CATSPERE: variants seen among roughly 807,000 people sequenced by gnomAD.
CATSPERE encodes the protein cation channel sperm-associated auxiliary subunit epsilon.
CATSPERE carries 93 observed loss-of-function variants against 114.1 expected under a neutral mutation model. That is an observed-to-expected ratio of 0.81 (90% confidence interval 0.69 to 0.97). CATSPERE has a LOEUF of 0.97. Among genes scored for constraint, CATSPERE ranks in the 50% least tolerant of loss-of-function variants. The pLI is 0.00. For synonymous variants in CATSPERE, 341 were observed against 384.1 expected (o/e 0.89, Z 1.31); for missense variants, 1,058 against 1,131.6 (o/e 0.93, Z 0.93).
intron 17 of CATSPERE, among the ~76,000 whole-genome samples, chr1:244,603,404 G>A (rs1333407348): frequency 1.3e-5 from 2 of 152,170 alleles, no homozygotes; most frequent in African/African-American, 4.8e-5. Context: ...TTGCAAGGAA[G>A]AGCTGCCAAC....
intron 20 of CATSPERE, among the ~76,000 whole-genome samples, chr1:244,624,270 C>T (rs1303185496): frequency 6.6e-6 from 1 of 151,830 alleles, no homozygotes; most frequent in African/African-American, 2.4e-5. Flanking sequence ...CACGCCTGGC[C>T]GGCAGTTTCT....
intron 7 of CATSPERE, among the ~76,000 whole-genome samples, chr1:244,499,370 GA>G (rs1416233249): frequency 2.6e-5 from 4 of 151,600 alleles, no homozygotes; most frequent in Non-Finnish European, 5.9e-5. Flanking sequence ...TATATGTACA[GA>G]ATGTGCAGTT....
At chr1:244,485,678 C>T (rs1670878562) in intron 5 of CATSPERE, among the ~76,000 whole-genome samples, 1 of 150,830 alleles carries the variant, frequency 6.6e-6, no homozygotes. Context: ...ATCTCATTAT[C>T]CATGTCTAAA....
chr1:244,506,862 AT>A (rs1558392038), intron 7 of CATSPERE, among the ~76,000 whole-genome samples: 1 of 152,096 alleles, frequency 6.6e-6, no homozygotes, highest in African/African-American at 2.4e-5. Context: ...AGCTTATTCT[AT>A]CTAACTGTGT....
intron 10 of CATSPERE, among the ~76,000 whole-genome samples, chr1:244,569,930 T>C (rs1664192154): frequency 1.3e-5 from 2 of 152,222 alleles, no homozygotes; most frequent in African/African-American, 4.8e-5. Context: ...TTTTCATGTT[T>C]ATTGGCAGTC....
intron 17 of CATSPERE, among the ~76,000 whole-genome samples, chr1:244,596,470 A>T (rs1056487657): frequency 6.6e-6 from 1 of 151,476 alleles, no homozygotes; most frequent in African/African-American, 2.4e-5. Flanking sequence ...AAGCCAAAAA[A>T]CCTCCCAAGC....
At chr1:244,621,145 T>TAG (rs1672182116) in intron 20 of CATSPERE, among the ~76,000 whole-genome samples, 1 of 74,548 alleles carries the variant, frequency 1.3e-5, no homozygotes, top group African/African-American at 5.0e-5. Flanking sequence ...ATAAAATATA[T>TAG]ATATTATAAA....
Position 244,607,755 on chromosome 1 carries a change from T to G in CATSPERE, c.2403+1961T>G, listed in dbSNP as rs901474165. Among the ~76,000 whole-genome samples, 3 of 152,190 alleles carry G rather than the reference T, an allele frequency of 2.0e-5. No individual in the cohort carries two copies. The highest frequency in any genetic ancestry group is 4.4e-5 in the Non-Finnish European group (3 of 68,034). ...AGCCTTGGTTCCTAATTCACTGCTT[T>G]GAGGAGAGGCACCGTCAGAACCATC... On this transcript the variant is annotated intron_variant, in intron 18 of 21. Transcript: ENST00000366534. The surrounding 1 kb of genome is among the most constrained non-coding windows in gnomAD (Gnocchi z 4.4).
At chr1:244,582,074 A>G (rs1341946877) in intron 12 of CATSPERE, among the ~76,000 whole-genome samples, 1 of 152,226 alleles carries the variant, frequency 6.6e-6, no homozygotes, top group Admixed American at 6.5e-5. Context: ...TGAATTTCTC[A>G]TTCATCCAAA....
At chr1:244,486,273 TAG>T (rs1434407944) in intron 5 of CATSPERE, among the ~76,000 whole-genome samples, 1 of 151,992 alleles carries the variant, frequency 6.6e-6, no homozygotes, top group East Asian at 1.9e-4. Flanking sequence ...GGGCCAAGTG[TAG>T]ACCCTCGTAG....
chr1:244,538,935 GACTAGCCAACAGCATC>G (rs58536266), intron 8 of CATSPERE, among the ~76,000 whole-genome samples: 131,676 of 151,500 alleles, frequency 0.87, 58,218 homozygotes, highest in East Asian at 1. Context: ...ACACCAGAGG[GACTAGCCAACAGCATC>G]ACTAGCCAAC....
intron 17 of CATSPERE, among the ~76,000 whole-genome samples, chr1:244,597,056 C>G (rs1247611069): frequency 6.6e-6 from 1 of 152,180 alleles, no homozygotes; most frequent in East Asian, 1.9e-4. Flanking sequence ...TTTTCCTAAT[C>G]AAGAACATTG....
chr1:244,624,726 T>C (rs1036494194), intron 20 of CATSPERE, among the ~76,000 whole-genome samples: 2 of 151,672 alleles, frequency 1.3e-5, no homozygotes, highest in Admixed American at 1.3e-4. Flanking sequence ...TGCTTGTACC[T>C]GGGAGGCAGA....
intron 20 of CATSPERE, among the ~76,000 whole-genome samples, chr1:244,631,551 A>G (rs1048732961): frequency 1.3e-5 from 2 of 152,222 alleles, no homozygotes; most frequent in Admixed American, 1.3e-4. Flanking sequence ...TTTACAAAAG[A>G]TAGATCCAAT....
At chr1:244,475,885 A>C (rs541371986) in intron 2 of CATSPERE, among the ~76,000 whole-genome samples, 1 of 152,300 alleles carries the variant, frequency 6.6e-6, no homozygotes, top group South Asian at 2.1e-4. Flanking sequence ...ATTCATAAAC[A>C]TTTTATACTT....
At chr1:244,592,687 T>A (rs924181742) in intron 15 of CATSPERE, among the ~76,000 whole-genome samples, 25 of 152,202 alleles carry the variant, frequency 1.6e-4, no homozygotes, top group African/African-American at 5.1e-4. Flanking sequence ...TGAAAGCCAT[T>A]GGTGAAATAC....
intron 21 of CATSPERE, chr1:244,636,507 C>T (rs974351174): frequency 1.3e-5 from 2 of 152,106 alleles, no homozygotes; most frequent in Non-Finnish European, 2.9e-5. Context: ...GTGACTTTTC[C>T]TCATGGGGTT....
chr1:244,489,450 ATTTTTTTTTTTTTTTT>A (rs10524749), intron 5 of CATSPERE, among the ~76,000 whole-genome samples: 1 of 85,542 alleles, frequency 1.2e-5, no homozygotes, highest in Non-Finnish European at 2.1e-5. Flanking sequence ...AAGCATGCAG[ATTTTTTTTTTTTTTTT>A]TTTTTTTTTT....
At chr1:244,510,312 A>C (rs1675495221) in intron 7 of CATSPERE, among the ~76,000 whole-genome samples, 2 of 152,090 alleles carry the variant, frequency 1.3e-5, no homozygotes, top group Non-Finnish European at 2.9e-5. Context: ...TATATTCTTA[A>C]TTTCTTTCCT....
Sources: allele counts gnomAD v4.1 joint callset (sites outside exome capture counted in the v4.1 genomes callset), GRCh38; gene constraint gnomAD v4.1.1; non-coding constraint Gnocchi (gnomAD v3.1); transcripts MANE v1.5; gene names NCBI Gene and HGNC (gene_info 2026-07-23, HGNC 2026-07-21).